Variants in SLX4IP observed in about 807,000 individuals in gnomAD.
SLX4IP encodes the protein protein SLX4IP.
SLX4IP carries 34 observed loss-of-function variants against 32.9 expected under a neutral mutation model. The observed-to-expected ratio is 1.03, with a 90% CI of 0.79 to 1.38. SLX4IP has a LOEUF of 1.38. Ranked by LOEUF, SLX4IP falls within the 40% of genes most tolerant of loss-of-function variation. The pLI is 0.00. For missense variants in SLX4IP, 444 were observed against 479.0 expected, an observed-to-expected ratio of 0.93 and a Z score of 0.68; for synonymous variants, 172 against 171.7, an observed-to-expected ratio of 1.00 and a Z score of -0.01.
At chr20:10,579,011 T>C (rs2066553182) in intron 4 of SLX4IP, among the ~76,000 whole-genome samples, 1 of 152,204 alleles carries the variant, frequency 6.6e-6, no homozygotes, top group African/African-American at 2.4e-5. Context: ...TTTCTTCTCT[T>C]CTGTGGATTT....
chr20:10,504,644 AG>A (rs2065743565), intron 2 of SLX4IP, among the ~76,000 whole-genome samples: 1 of 152,100 alleles, frequency 6.6e-6, no homozygotes. Flanking sequence ...GACCATTACT[AG>A]GTCTGTGTGT....
At chr20:10,533,843 C>T (rs545855289) in intron 2 of SLX4IP, among the ~76,000 whole-genome samples, 2 of 152,164 alleles carry the variant, frequency 1.3e-5, no homozygotes, top group East Asian at 3.9e-4. Flanking sequence ...TGGTCTTGAA[C>T]TCCTGGCTTC....
chr20:10,451,390 C>T (rs1390196451), intron 1 of SLX4IP, among the ~76,000 whole-genome samples: 1 of 151,834 alleles, frequency 6.6e-6, no homozygotes, highest in East Asian at 2.0e-4. Flanking sequence ...CGAACTTTGA[C>T]CCCAAGTGAT....
chr20:10,607,235 ACT>A (rs902072667), intron 6 of SLX4IP, among the ~76,000 whole-genome samples: 3 of 151,738 alleles, frequency 2.0e-5, no homozygotes, highest in Admixed American at 6.6e-5. Context: ...TAGGGAGCAG[ACT>A]CTCTTTTGCC....
chr20:10,458,103 TC>T (rs1316649674), intron 1 of SLX4IP, 72 bp from the exon 2 acceptor site: 1 of 944,168 alleles, frequency 1.1e-6, no homozygotes, highest in African/African-American at 1.7e-5. Flanking sequence ...ATTCAGCCCA[TC>T]TTTTTCCTGT....
chr20:10,498,333 C>T (rs1202519027), intron 2 of SLX4IP, among the ~76,000 whole-genome samples: 2 of 151,920 alleles, frequency 1.3e-5, no homozygotes, highest in Non-Finnish European at 2.9e-5. Context: ...AGAAGTTTTC[C>T]TCTGGCGAGT....
intron 6 of SLX4IP, among the ~76,000 whole-genome samples, chr20:10,606,305 C>T (rs909545053): frequency 6.6e-6 from 1 of 152,136 alleles, no homozygotes; most frequent in Non-Finnish European, 1.5e-5. Context: ...TAACATTTGA[C>T]TGTGCACTGA....
At chr20:10,554,850 C>T (rs1463535546) in intron 2 of SLX4IP, among the ~76,000 whole-genome samples, 1 of 152,034 alleles carries the variant, frequency 6.6e-6, no homozygotes, top group African/African-American at 2.4e-5. Flanking sequence ...TTGCCAGATA[C>T]ATGTATTTTT....
At chr20:10,596,534 TAAC>T (rs2066773157) in intron 4 of SLX4IP, among the ~76,000 whole-genome samples, 1 of 152,168 alleles carries the variant, frequency 6.6e-6, no homozygotes, top group Non-Finnish European at 1.5e-5. Context: ...GGCCTGATAA[TAAC>T]ATTTTATTGC....
intron 1 of SLX4IP, among the ~76,000 whole-genome samples, chr20:10,444,833 C>T (rs564452217): frequency 6.6e-6 from 1 of 152,196 alleles, no homozygotes; most frequent in Non-Finnish European, 1.5e-5. Context: ...AAAGTCCCCA[C>T]CGTTAATACT....
At chr20:10,555,496 C>A (rs1433678895) in intron 2 of SLX4IP, among the ~76,000 whole-genome samples, 2 of 152,150 alleles carry the variant, frequency 1.3e-5, no homozygotes, top group African/African-American at 4.8e-5. Context: ...TTATCAGTTA[C>A]AATAGCCACA....
At chr20:10,458,117 A>G in intron 1 of SLX4IP, 59 bp from the exon 2 acceptor site, 1 of 1,081,142 alleles carries the variant, frequency 9.2e-7, no homozygotes, top group Non-Finnish European at 1.3e-6. Context: ...TTTCCTGTAT[A>G]ATATCCAAAT....
intron 1 of SLX4IP, among the ~76,000 whole-genome samples, chr20:10,450,706 T>C (rs4295076): frequency 1 from 152,339 of 152,364 alleles, 76,157 homozygotes; most frequent in Non-Finnish European, 1. Context: ...AAAAAATCAC[T>C]GTTGACTGAG....
intron 2 of SLX4IP, 62 bp downstream of exon 2, chr20:10,458,293 T>G: frequency 3.2e-5 from 44 of 1,371,084 alleles, no homozygotes; most frequent in Middle Eastern, 1.9e-4. Context: ...AACTGAGCTC[T>G]GTGTTAATTG....
chr20:10,553,741 G>A (rs1456903450), intron 2 of SLX4IP, among the ~76,000 whole-genome samples: 1 of 152,142 alleles, frequency 6.6e-6, no homozygotes, highest in African/African-American at 2.4e-5. Context: ...ATGACACATT[G>A]ATATTTTGTA....
intron 2 of SLX4IP, among the ~76,000 whole-genome samples, chr20:10,521,343 C>T (rs555384534): frequency 4.4e-4 from 67 of 152,220 alleles, no homozygotes; most frequent in African/African-American, 1.3e-3. Context: ...CTAGGCTGGT[C>T]GCTCTCCATG....
chr20:10,524,411 C>T (rs1056370293), intron 2 of SLX4IP, among the ~76,000 whole-genome samples: 1 of 152,072 alleles, frequency 6.6e-6, no homozygotes, highest in Admixed American at 6.6e-5. Flanking sequence ...CTTAGTTCCA[C>T]GTTGCCGAGA....
intron 1 of SLX4IP, among the ~76,000 whole-genome samples, chr20:10,444,851 T>A (rs1222962836): frequency 6.6e-6 from 1 of 152,112 alleles, no homozygotes; most frequent in Admixed American, 6.5e-5. Flanking sequence ...ACTATTACAC[T>A]GGGCATTAGG....
intron 4 of SLX4IP, among the ~76,000 whole-genome samples, chr20:10,580,737 C>A (rs1389397386): frequency 6.6e-6 from 1 of 151,886 alleles, no homozygotes; most frequent in Admixed American, 6.6e-5. Context: ...TTGAGGGGCA[C>A]CTGGTTTTTG....
Sources: gnomAD v4.1 joint callset for allele counts (sites outside exome capture counted in the v4.1 genomes callset) on GRCh38, gnomAD v4.1.1 for gene constraint, MANE v1.5 for transcripts, NCBI Gene and HGNC (gene_info 2026-07-23, HGNC 2026-07-21) for gene names.